MRC1: variants seen among roughly 807,000 people sequenced by gnomAD.
MRC1 encodes the protein mannose receptor C-type 1, also known as macrophage mannose receptor 1.
MRC1 carries 62 observed loss-of-function variants against 102.9 expected under a neutral mutation model. That is an observed-to-expected ratio of 0.60 (90% confidence interval 0.49 to 0.74). The LOEUF is 0.74. Ranked by LOEUF, MRC1 falls within the 30% of genes least tolerant of loss-of-function variation. The pLI is 0.00. For missense variants in MRC1, 1,237 were observed against 862.8 expected, an observed-to-expected ratio of 1.43 and a Z score of -5.43; for synonymous variants, 457 against 298.4, an observed-to-expected ratio of 1.53 and a Z score of -5.48.
intron 26 of MRC1, among the ~76,000 whole-genome samples, chr10:17,906,593 C>T (rs1833898918): frequency 6.6e-6 from 1 of 152,176 alleles, no homozygotes; most frequent in Non-Finnish European, 1.5e-5. Flanking sequence ...ACTCTTGTTA[C>T]TGGCCACTGA....
chr10:17,875,471 C>A (rs1484641052), intron 17 of MRC1, among the ~76,000 whole-genome samples: 1 of 152,176 alleles, frequency 6.6e-6, no homozygotes, highest in Non-Finnish European at 1.5e-5. Context: ...TATGCCTTTG[C>A]ATCCTCATAG....
intron 3 of MRC1, among the ~76,000 whole-genome samples, chr10:17,831,768 T>G (rs1838577080): frequency 6.6e-6 from 1 of 151,680 alleles, no homozygotes; most frequent in Admixed American, 6.6e-5. Flanking sequence ...AAAAGAAATA[T>G]TCACTACATG....
intron 5 of MRC1, among the ~76,000 whole-genome samples, chr10:17,842,034 C>T (rs1838759975): frequency 6.6e-6 from 1 of 152,214 alleles, no homozygotes; most frequent in African/African-American, 2.4e-5. Flanking sequence ...GCAGTCTCAG[C>T]TCACTGCAAC....
At chr10:17,815,749 G>C (rs1400991535) in intron 1 of MRC1, among the ~76,000 whole-genome samples, 1 of 152,038 alleles carries the variant, frequency 6.6e-6, no homozygotes, top group Non-Finnish European at 1.5e-5. Flanking sequence ...GAATATTTTG[G>C]GTCTGAATGA....
At position 17,809,438 on chromosome 10, in the gene MRC1, A is replaced by C. The variant is rs1416711843; in HGVS notation, c.-28A>C. On this transcript the variant is annotated 5_prime_UTR_variant, in exon 1 of 30. Coordinates refer to ENST00000569591, the MANE Select transcript of MRC1 (RefSeq NM_002438.4). ...TCTTAGTTCCGCCCTCCTGTCCATC[A>C]GGAGAAGGAAAGGATAAACCCTGGG... is the stretch of plus-strand genomic sequence containing the variant. 1 of 872,576 alleles carries C rather than the reference A, an allele frequency of 1.1e-6. No homozygotes were observed. The highest frequency in any genetic ancestry group is 1.6e-5 in the African/African-American group (1 of 61,416). 54.1% of individuals were successfully genotyped at this position (872,576 alleles called of 1,614,324 possible).
At chr10:17,838,822 C>T (rs1838708662) in intron 4 of MRC1, among the ~76,000 whole-genome samples, 1 of 152,102 alleles carries the variant, frequency 6.6e-6, no homozygotes, top group Non-Finnish European at 1.5e-5. Context: ...AAAAAAATTT[C>T]TGGTTTGAGT....
At chr10:17,842,609 G>C (rs1399456735) in intron 5 of MRC1, among the ~76,000 whole-genome samples, 3 of 152,156 alleles carry the variant, frequency 2.0e-5, no homozygotes, top group Non-Finnish European at 2.9e-5. Context: ...TCAGCCAGAT[G>C]CAATTAGAGA....
chr10:17,871,700 A>G (rs1200741863), intron 14 of MRC1, among the ~76,000 whole-genome samples: 1 of 152,148 alleles, frequency 6.6e-6, no homozygotes, highest in Non-Finnish European at 1.5e-5. Context: ...CCTGTATATA[A>G]ATCCCCATTT....
chr10:17,866,934 G>T (rs1833277585), intron 12 of MRC1, among the ~76,000 whole-genome samples, 173 bp downstream of exon 12: 1 of 151,994 alleles, frequency 6.6e-6, no homozygotes, highest in African/African-American at 2.4e-5. Context: ...AGAGCTCCTT[G>T]GGTAGATGTA....
intron 1 of MRC1, among the ~76,000 whole-genome samples, chr10:17,814,222 C>T (rs1480666477): frequency 1.3e-5 from 2 of 152,110 alleles, no homozygotes; most frequent in East Asian, 1.9e-4. Context: ...TCATTATGAT[C>T]TTTAGACTCT....
rs1554840890 is a variant in MRC1, at chr10:17,856,255, C to T, written c.1421C>T (p.Ala474Val). 1 of 864,660 alleles carries T rather than the reference C, an allele frequency of 1.2e-6. No homozygotes were observed. The highest frequency in any genetic ancestry group is 1.6e-5 in the African/African-American group (1 of 60,734). 53.6% of individuals were successfully genotyped at this position (864,660 alleles called of 1,614,324 possible). A position where few individuals can be genotyped will look rare whatever the true frequency, so the allele number is the denominator to read the frequency against. The stretch of plus-strand genomic sequence containing the variant: ...TGCTCCCTGCAGGATGGGTACTGGG[C>T]AGATCGGGGCTGTGAGTGGCCTCTT... ...VVMKGKDGYW[A>V]DRGCEWPLGY... Residue 474 changes from alanine to valine, a missense_variant, in exon 9 of 30, where the codon GCA becomes GTA. By Grantham distance (64) the Ala-to-Val change is moderately conservative. Transcript: ENST00000569591.
intron 22 of MRC1, among the ~76,000 whole-genome samples, chr10:17,888,345 A>G (rs1833628812): frequency 1.3e-5 from 2 of 152,312 alleles, no homozygotes; most frequent in Admixed American, 6.5e-5. Flanking sequence ...TAGTTGCAGC[A>G]CATGGGATGA....
chr10:17,811,565 G>A (rs1319625273), intron 1 of MRC1, among the ~76,000 whole-genome samples: 1 of 151,720 alleles, frequency 6.6e-6, no homozygotes, highest in Admixed American at 6.6e-5. Context: ...TGTAATTTGT[G>A]TTGTTTTGTT....
At chr10:17,838,612 T>C (rs1189567684) in intron 4 of MRC1, among the ~76,000 whole-genome samples, 1 of 152,118 alleles carries the variant, frequency 6.6e-6, no homozygotes, top group Non-Finnish European at 1.5e-5. Context: ...TTGTGTATCT[T>C]CTATTACATC....
intron 1 of MRC1, among the ~76,000 whole-genome samples, chr10:17,818,583 C>T (rs999286509): frequency 5.3e-5 from 8 of 152,156 alleles, no homozygotes; most frequent in African/African-American, 1.2e-4. Context: ...CCGAGGTGTG[C>T]GGATCACTTG....
At chr10:17,816,117 C>G (rs1838308017) in intron 1 of MRC1, among the ~76,000 whole-genome samples, 1 of 152,202 alleles carries the variant, frequency 6.6e-6, no homozygotes, top group Non-Finnish European at 1.5e-5. Flanking sequence ...CTGACTAACA[C>G]CCTCCATCAG....
At chr10:17,836,728 C>T (rs1002178267) in intron 4 of MRC1, among the ~76,000 whole-genome samples, 4 of 151,922 alleles carry the variant, frequency 2.6e-5, no homozygotes, top group East Asian at 1.9e-4. Flanking sequence ...CCCAGCTACT[C>T]GGGAGGCTGA....
At chr10:17,858,780 C>T (rs1185718402) in intron 9 of MRC1, among the ~76,000 whole-genome samples, 1 of 152,042 alleles carries the variant, frequency 6.6e-6, no homozygotes, top group African/African-American at 2.4e-5. Flanking sequence ...GCCATTGTGC[C>T]AGGCATGAGC....
At chr10:17,885,732 T>C (rs1382383778) in intron 22 of MRC1, among the ~76,000 whole-genome samples, 2 of 151,986 alleles carry the variant, frequency 1.3e-5, no homozygotes, top group African/African-American at 4.8e-5. Context: ...TTTCTTTGTA[T>C]CACCTTCCCC....
Sources: allele counts gnomAD v4.1 joint callset (sites outside exome capture counted in the v4.1 genomes callset), GRCh38; gene constraint gnomAD v4.1.1; transcripts MANE v1.5; gene names NCBI Gene and HGNC (gene_info 2026-07-23, HGNC 2026-07-21).